The following PIWIL1 variants were observed in gnomAD, a reference collection of about 807,000 sequenced individuals.
PIWIL1 encodes piwi-like protein 1.
In PIWIL1, 73 loss-of-function variants were observed where a neutral mutation model predicts 114.4. That is an observed-to-expected ratio of 0.64 (90% CI 0.53 to 0.78). PIWIL1 has a LOEUF of 0.78. PIWIL1 is among the 30% of genes least tolerant of loss of function. The pLI is 0.00. For synonymous variants in PIWIL1, 375 were observed against 369.0 expected (o/e 1.02, Z -0.19); for missense variants, 723 against 1,063.1 (o/e 0.68, Z 4.45).
chr12:130,424,334 G>C, the PIWIL1 span: 2 of 1,231,842 alleles, frequency 1.6e-6, no homozygotes, highest in African/African-American at 3.1e-5. The surrounding 1 kb of genome is among the most constrained non-coding windows in gnomAD (Gnocchi z 9.8). Flanking sequence ...GGCCACCAGG[G>C]CCCACCTGCT....
intron 12 of PIWIL1, 120 bp downstream of exon 12, chr12:130,355,787 T>G: frequency 1.4e-6 from 1 of 714,098 alleles, no homozygotes; most frequent in Non-Finnish European, 2.5e-6. Context: ...AGGCAGTTTT[T>G]AAAGTTGACA....
At chr12:130,345,991 G>A (rs944839426) in intron 4 of PIWIL1, 113 bp downstream of exon 4, 12 of 1,100,652 alleles carry the variant, frequency 1.1e-5, no homozygotes, top group East Asian at 2.5e-5. Context: ...ATGGCTTTTC[G>A]ATTTTCCTCA....
At chr12:130,415,862 A>G in the PIWIL1 span, among the ~76,000 whole-genome samples, 23 of 152,234 alleles carry the variant, frequency 1.5e-4, no homozygotes, top group Middle Eastern at 3.2e-3. Flanking sequence ...AAATTTCAGG[A>G]TACAAAATCA....
chr12:130,338,426 G>T (rs376029612), intron 1 of PIWIL1, among the ~76,000 whole-genome samples: 3 of 47,920 alleles, frequency 6.3e-5, no homozygotes, highest in Non-Finnish European at 1.0e-4. Flanking sequence ...GGGTGCGGGG[G>T]CGAGGTCCCA....
the PIWIL1 span, chr12:130,399,801 C>T: frequency 6.2e-7 from 1 of 1,614,158 alleles, no homozygotes; most frequent in Non-Finnish European, 8.5e-7. Context: ...CCTTTCTGCC[C>T]ATTCAGCTCC....
At chr12:130,393,045 G>A in the PIWIL1 span, among the ~76,000 whole-genome samples, 6 of 141,100 alleles carry the variant, frequency 4.3e-5, no homozygotes, top group East Asian at 1.1e-3. Flanking sequence ...ACGTGTGTCC[G>A]TCAGTTACCT....
At chr12:130,347,143 C>G in intron 6 of PIWIL1, 81 bp downstream of exon 6, 1 of 1,049,180 alleles carries the variant, frequency 9.5e-7, no homozygotes, top group Non-Finnish European at 1.4e-6. Flanking sequence ...ATTCAGTTCT[C>G]CTAGATTTTC....
At chr12:130,419,988 A>C in the PIWIL1 span, among the ~76,000 whole-genome samples, 3 of 152,240 alleles carry the variant, frequency 2.0e-5, no homozygotes, top group Non-Finnish European at 4.4e-5. The surrounding 1 kb of genome is among the most constrained non-coding windows in gnomAD (Gnocchi z 4.3). Context: ...ACTGCTTATT[A>C]AAAATAGGAA....
chr12:130,373,013 C>T (rs1043693773), downstream of PIWIL1, among the ~76,000 whole-genome samples: 2 of 152,364 alleles, frequency 1.3e-5, no homozygotes, highest in Middle Eastern at 3.4e-3. Context: ...CACACGGTCT[C>T]ATTCTGAATT....
the PIWIL1 span, among the ~76,000 whole-genome samples, chr12:130,409,411 C>A: frequency 6.7e-6 from 1 of 148,630 alleles, no homozygotes. Context: ...GGCGCGATCC[C>A]GGCTCACTGC....
intron 1 of PIWIL1, 96 bp from the exon 2 acceptor site, chr12:130,342,484 C>T (rs2136124745): frequency 1.4e-6 from 1 of 734,106 alleles, no homozygotes; most frequent in South Asian, 1.6e-5. Flanking sequence ...GGGGAGCTTA[C>T]TTTTGAAACT....
At chr12:130,361,423 T>C (rs755477229) in intron 15 of PIWIL1, 43 bp downstream of exon 15, 3 of 1,611,170 alleles carry the variant, frequency 1.9e-6, no homozygotes, top group Non-Finnish European at 2.5e-6. Flanking sequence ...AAAATTGGTA[T>C]TTAAGAACAT....
the PIWIL1 span, among the ~76,000 whole-genome samples, chr12:130,401,728 C>G: frequency 6.6e-6 from 1 of 152,028 alleles, no homozygotes; most frequent in African/African-American, 2.4e-5. Context: ...TTAATAACAT[C>G]TAAATACGAA....
chr12:130,378,051 A>G, the PIWIL1 span, among the ~76,000 whole-genome samples: 112 of 152,364 alleles, frequency 7.4e-4, no homozygotes, highest in African/African-American at 2.3e-3. Flanking sequence ...AAGTAAATGA[A>G]TACAGTGTAA....
rs779383303 is a variant in PIWIL1, at chr12:130,371,536, G to A, written c.2524G>A (p.Val842Ile). 2.7e-5 allele frequency: 43 copies of A among 1,613,992 alleles called. No individual in the cohort carries two copies. Among genetic ancestry groups the A allele is most frequent in the African/African-American group, 1.1e-4 (8 of 74,866 alleles). The change falls in exon 21 of 21, where the codon GTT (valine) becomes ATT (isoleucine). Residue 842 changes from valine (V) to isoleucine (I), a missense_variant. Val to Ile is a conservative substitution (Grantham distance 29). Around this residue, in one of 8 missense-constraint regions of PIWIL1, gnomAD observed 106 missense variants for 182.8 expected, o/e 0.58. Coordinates refer to ENST00000245255, the MANE Select transcript of PIWIL1 (RefSeq NM_004764.5). ...GTACGCCCACAAGCTGGCTTTTCTT[G>A]TTGGCCAGAGTATTCACAGAGAGCC... is the stretch of plus-strand genomic sequence containing the variant. Reference protein sequence around the residue: ...CQYAHKLAFLVGQSIHREPNL... With the variant: ...CQYAHKLAFLIGQSIHREPNL...
the PIWIL1 span, among the ~76,000 whole-genome samples, chr12:130,405,450 G>T: frequency 5.4e-4 from 83 of 152,316 alleles, no homozygotes; most frequent in Admixed American, 5.0e-3. Flanking sequence ...CATGTGCAAG[G>T]TGGGGACCCC....
At chr12:130,350,002 C>A in intron 9 of PIWIL1, 35 bp downstream of exon 9, 3 of 1,175,538 alleles carry the variant, frequency 2.6e-6, no homozygotes, top group African/African-American at 1.5e-5. Context: ...AGGAGAAATC[C>A]AAAATATCTT....
the PIWIL1 span, among the ~76,000 whole-genome samples, chr12:130,391,296 G>A: frequency 6.6e-6 from 1 of 152,220 alleles, no homozygotes; most frequent in Non-Finnish European, 1.5e-5. Flanking sequence ...GTGAGACAGC[G>A]CTGGAAATTC....
intron 11 of PIWIL1, 59 bp downstream of exon 11, chr12:130,355,064 CTTTGAGGGGTATCT>C: frequency 9.9e-7 from 1 of 1,012,154 alleles, no homozygotes; most frequent in Non-Finnish European, 1.6e-6. Context: ...TTTTATGTGG[CTTTGAGGGGTATCT>C]TTTGAGGGAG....
Sources: gnomAD v4.1 joint callset for allele counts (sites outside exome capture counted in the v4.1 genomes callset) on GRCh38, gnomAD v4.1.1 for gene constraint, gnomAD v4.1.1 regional missense constraint, Gnocchi (gnomAD v3.1) non-coding constraint, MANE v1.5 for transcripts, NCBI Gene and HGNC (gene_info 2026-07-23, HGNC 2026-07-21) for gene names.